The following BRD10 variants were observed in gnomAD, a reference collection of about 807,000 sequenced individuals.
BRD10 encodes the protein bromodomain containing 10, also known as uncharacterized bromodomain-containing protein 10.
the BRD10 span, among the ~76,000 whole-genome samples, chr9:5,882,595 T>C: frequency 2.6e-5 from 4 of 152,202 alleles, no homozygotes; most frequent in Non-Finnish European, 5.9e-5. Context: ...TTACTGCCTG[T>C]CCAGTCTCAC....
chr9:5,883,336 T>C, the BRD10 span, among the ~76,000 whole-genome samples: 1 of 152,200 alleles, frequency 6.6e-6, no homozygotes, highest in Non-Finnish European at 1.5e-5. Flanking sequence ...GAACCTGAAC[T>C]TGTACACAGA....
chr9:5,965,765 T>TG, the BRD10 span, among the ~76,000 whole-genome samples: 2 of 152,180 alleles, frequency 1.3e-5, no homozygotes, highest in Non-Finnish European at 2.9e-5. Context: ...CCTATGATGA[T>TG]GGAGCTCACT....
At chr9:5,951,848 T>A in the BRD10 span, among the ~76,000 whole-genome samples, 1 of 152,126 alleles carries the variant, frequency 6.6e-6, no homozygotes, top group Non-Finnish European at 1.5e-5. Context: ...GTTGCCAAGT[T>A]TCTTTATGAG....
At chr9:5,927,589 C>T in the BRD10 span, among the ~76,000 whole-genome samples, 1 of 152,206 alleles carries the variant, frequency 6.6e-6, no homozygotes, top group Admixed American at 6.5e-5. Flanking sequence ...TCTACTACCA[C>T]AGCTCACCAA....
At chr9:5,927,867 G>C in the BRD10 span, among the ~76,000 whole-genome samples, 1 of 151,834 alleles carries the variant, frequency 6.6e-6, no homozygotes, top group Admixed American at 6.6e-5. Context: ...TATACTAAGT[G>C]ATTTCTACCA....
chr9:5,967,969 C>A, the BRD10 span: 5 of 1,205,670 alleles, frequency 4.1e-6, no homozygotes, highest in African/African-American at 7.7e-5. Context: ...ATGGAAAAAA[C>A]AATTTGAATT....
the BRD10 span, among the ~76,000 whole-genome samples, chr9:5,984,535 CATA>C: frequency 6.6e-6 from 1 of 151,886 alleles, no homozygotes; most frequent in African/African-American, 2.4e-5. Flanking sequence ...TAAAAAGGGA[CATA>C]ATAAGAAAGA....
the BRD10 span, among the ~76,000 whole-genome samples, chr9:5,996,203 GAGA>G: frequency 9.2e-5 from 14 of 152,178 alleles, no homozygotes; most frequent in East Asian, 2.5e-3. Context: ...CTCTCCAGAG[GAGA>G]AGAATACAAA....
the BRD10 span, among the ~76,000 whole-genome samples, chr9:5,899,512 A>C: frequency 6.6e-6 from 1 of 152,180 alleles, no homozygotes; most frequent in Admixed American, 6.5e-5. Context: ...AGTGGGAAGG[A>C]GGAGGAGTTG....
the BRD10 span, among the ~76,000 whole-genome samples, chr9:5,915,173 CCTT>C: frequency 6.6e-6 from 1 of 151,968 alleles, no homozygotes; most frequent in Non-Finnish European, 1.5e-5. Context: ...CTTTCTTTAT[CCTT>C]CTCAATCTCA....
chr9:5,910,917 G>A, the BRD10 span, among the ~76,000 whole-genome samples: 1 of 152,098 alleles, frequency 6.6e-6, no homozygotes, highest in Non-Finnish European at 1.5e-5. Flanking sequence ...CATCACCACT[G>A]AGAGCTCCTT....
At chr9:5,984,139 T>C in the BRD10 span, among the ~76,000 whole-genome samples, 3 of 151,852 alleles carry the variant, frequency 2.0e-5, no homozygotes, top group Non-Finnish European at 4.4e-5. Flanking sequence ...AAAAATGATA[T>C]CAGATGGTAT....
chr9:5,991,315 G>A, the BRD10 span, among the ~76,000 whole-genome samples: 7 of 151,986 alleles, frequency 4.6e-5, no homozygotes, highest in Non-Finnish European at 1.0e-4. Flanking sequence ...GTCTGTACAC[G>A]CATGAGTTCA....
chr9:6,001,541 CCTAA>C, the BRD10 span, among the ~76,000 whole-genome samples: 5 of 152,302 alleles, frequency 3.3e-5, no homozygotes, highest in Admixed American at 1.3e-4. Context: ...CCTCCAAATA[CCTAA>C]CTTTTAATTA....
chr9:6,006,106 G>T, the BRD10 span, among the ~76,000 whole-genome samples: 2 of 152,200 alleles, frequency 1.3e-5, no homozygotes, highest in South Asian at 4.1e-4. Flanking sequence ...TGCCGTTTCA[G>T]ATATGAAGTA....
the BRD10 span, among the ~76,000 whole-genome samples, chr9:5,936,111 T>G: frequency 1.2e-4 from 18 of 152,294 alleles, no homozygotes; most frequent in African/African-American, 4.3e-4. Context: ...GTCGCAGCAT[T>G]TTGGGAGGCA....
At chr9:5,987,894 A>T in the BRD10 span, among the ~76,000 whole-genome samples, 36 of 152,192 alleles carry the variant, frequency 2.4e-4, no homozygotes, top group African/African-American at 8.7e-4. Context: ...TTAATTGAGC[A>T]CACTTTTTCC....
At chr9:5,923,163 T>C in the BRD10 span, 3 of 1,614,040 alleles carry the variant, frequency 1.9e-6, no homozygotes, top group African/African-American at 1.3e-5. Context: ...GAAAGCTCTT[T>C]TGTGCTGTCA....
chr9:6,002,843 A>AT, the BRD10 span, among the ~76,000 whole-genome samples: 6 of 151,748 alleles, frequency 4.0e-5, no homozygotes, highest in African/African-American at 1.5e-4. Flanking sequence ...CACCTGGCTA[A>AT]TTTTTTTTGT....
Sources: allele counts gnomAD v4.1 joint callset (sites outside exome capture counted in the v4.1 genomes callset), GRCh38; gene constraint gnomAD v4.1.1; transcripts MANE v1.5; gene names NCBI Gene and HGNC (gene_info 2026-07-23, HGNC 2026-07-21).